The following SOCS2 variants were observed in gnomAD, a reference collection of about 807,000 sequenced individuals.
SOCS2 encodes the protein suppressor of cytokine signaling 2.
A neutral mutation model predicts 18.6 loss-of-function variants in SOCS2; 10 were observed. That is an observed-to-expected ratio of 0.54 (90% confidence interval 0.33 to 0.91). The LOEUF (loss-of-function observed/expected upper bound fraction) is 0.91. Among genes scored for constraint, SOCS2 ranks in the 40% least tolerant of loss-of-function variants. The probability of loss-of-function intolerance (pLI) is 0.02; values close to 1 mark genes in which losing one functional copy is unlikely to be tolerated. For synonymous variants in SOCS2, 104 were observed against 104.0 expected (o/e 1.00, Z 0.00); for missense variants, 231 against 247.2 (o/e 0.93, Z 0.44).
At chr12:93,581,316 A>G (rs1447846273), downstream of SOCS2, among the ~76,000 whole-genome samples, 1 of 152,228 alleles carries the variant, frequency 6.6e-6, no homozygotes, top group African/African-American at 2.4e-5. Context: ...CCTCCTCAAT[A>G]ATTGAGACCT....
chr12:93,617,483 A>C, the SOCS2 span, among the ~76,000 whole-genome samples: 1 of 152,132 alleles, frequency 6.6e-6, no homozygotes, highest in Non-Finnish European at 1.5e-5. Context: ...ATTTCCTCTA[A>C]GTATATTATG....
At chr12:93,624,702 G>A in the SOCS2 span, among the ~76,000 whole-genome samples, 1 of 152,320 alleles carries the variant, frequency 6.6e-6, no homozygotes, top group South Asian at 2.1e-4. Context: ...GCAGAACAGA[G>A]TGTGATACAT....
chr12:93,603,761 G>T, the SOCS2 span, among the ~76,000 whole-genome samples: 1 of 152,168 alleles, frequency 6.6e-6, no homozygotes, highest in Non-Finnish European at 1.5e-5. Context: ...GCAGTTGTGT[G>T]GAATGTAGTC....
chr12:93,598,130 G>A, the SOCS2 span, among the ~76,000 whole-genome samples: 1 of 152,168 alleles, frequency 6.6e-6, no homozygotes, highest in Non-Finnish European at 1.5e-5. Context: ...GGGAAGTGAG[G>A]GGATTGGCAG....
the SOCS2 span, among the ~76,000 whole-genome samples, chr12:93,589,458 A>T: frequency 6.6e-6 from 1 of 152,220 alleles, no homozygotes; most frequent in Non-Finnish European, 1.5e-5. Context: ...TGTTTTTATT[A>T]AAGTGAGTTT....
Position 93,572,764 on chromosome 12 carries a change from C to A in SOCS2, c.-134C>A. The A allele has an allele frequency of 8.7e-7, 1 of 1,150,642 alleles. No individual in the cohort carries two copies. Among genetic ancestry groups the A allele is most frequent in the Non-Finnish European group, 1.3e-6 (1 of 791,578 alleles). 71.3% of individuals were successfully genotyped at this position (1,150,642 alleles called of 1,614,324 possible). ...CTGGGGAGAAAGAGCCCCATCCCTT[C>A]TCTCTCTGCCACCATTTCGGACACC... On this transcript the variant is annotated 5_prime_UTR_variant, in exon 1 of 2. Transcript: ENST00000551556. This position sits in a 1 kb window ranked among gnomAD's most constrained non-coding sequence, Gnocchi z 5.0.
chr12:93,582,799 A>G (rs1954558132), intron 1 of SOCS2, among the ~76,000 whole-genome samples: 1 of 152,128 alleles, frequency 6.6e-6, no homozygotes, highest in Non-Finnish European at 1.5e-5. Flanking sequence ...TGGAGCCTTC[A>G]GGATTTTTGG....
At chr12:93,590,033 C>G in the SOCS2 span, among the ~76,000 whole-genome samples, 208 of 152,122 alleles carry the variant, frequency 1.4e-3, no homozygotes, top group Middle Eastern at 3.4e-3. Flanking sequence ...GTGAGCGGAT[C>G]ATGAGGTCAG....
At chr12:93,578,736 GAC>G (rs565272984), downstream of SOCS2, among the ~76,000 whole-genome samples, 153 of 151,534 alleles carry the variant, frequency 1.0e-3, no homozygotes, top group African/African-American at 3.5e-3. Flanking sequence ...GCCAATCAAT[GAC>G]AGAGTCAGGA....
chr12:93,601,572 G>A, the SOCS2 span, among the ~76,000 whole-genome samples: 1 of 152,100 alleles, frequency 6.6e-6, no homozygotes, highest in African/African-American at 2.4e-5. Context: ...GCCTCCCAAA[G>A]TGCTGGGATT....
downstream of SOCS2, among the ~76,000 whole-genome samples, chr12:93,581,740 T>C (rs1193379473): frequency 6.6e-6 from 1 of 152,154 alleles, no homozygotes; most frequent in African/African-American, 2.4e-5. Context: ...GTTTATTGAA[T>C]GTCTACTGTA....
At chr12:93,622,169 C>G in the SOCS2 span, among the ~76,000 whole-genome samples, 2 of 152,108 alleles carry the variant, frequency 1.3e-5, no homozygotes, top group Non-Finnish European at 2.9e-5. Flanking sequence ...TTGTAAAATC[C>G]TTATCTGACA....
At chr12:93,600,019 C>A in the SOCS2 span, among the ~76,000 whole-genome samples, 3 of 152,188 alleles carry the variant, frequency 2.0e-5, no homozygotes, top group Middle Eastern at 3.2e-3. Flanking sequence ...TAATGCTTTA[C>A]ATTTACAATA....
chr12:93,598,198 G>A, the SOCS2 span, among the ~76,000 whole-genome samples: 1 of 152,198 alleles, frequency 6.6e-6, no homozygotes, highest in Non-Finnish European at 1.5e-5. Context: ...CCTGATTGAT[G>A]AGAAGGAAGA....
the SOCS2 span, among the ~76,000 whole-genome samples, chr12:93,614,633 T>TC: frequency 7.4e-6 from 1 of 136,008 alleles, no homozygotes; most frequent in South Asian, 2.3e-4. Flanking sequence ...CTTTCTTTCT[T>TC]TTGATGGAGT....
the SOCS2 span, among the ~76,000 whole-genome samples, chr12:93,610,860 C>T: frequency 6.6e-6 from 1 of 152,138 alleles, no homozygotes; most frequent in Non-Finnish European, 1.5e-5. Context: ...CAATGAATTT[C>T]TGTTGTTTCT....
Position 93,575,251 on chromosome 12 carries a change from C to T in SOCS2, c.*72C>T. 9.6e-7 allele frequency: 1 copy of T among 1,043,508 alleles called. No homozygotes were observed. The highest frequency in any genetic ancestry group is 1.4e-6 in the Non-Finnish European group (1 of 733,108). 64.6% of individuals were successfully genotyped at this position (1,043,508 alleles called of 1,614,324 possible). On this transcript the variant is annotated 3_prime_UTR_variant, in exon 2 of 2. Transcript: ENST00000551556. ...GCAGCTATGTAAAAGAGAACCAAAA[C>T]TTGAGTGCTCTGGATAACTATATGG...
At chr12:93,583,000 G>GTTTTT (rs11305267) in intron 1 of SOCS2, 1 of 111,282 alleles carries the variant, frequency 9.0e-6, no homozygotes, top group Non-Finnish European at 1.9e-5. Flanking sequence ...TCTGGGTTTT[G>GTTTTT]TTTTTTTTTT....
downstream of SOCS2, among the ~76,000 whole-genome samples, chr12:93,577,732 T>TC (rs1565843548): frequency 6.6e-6 from 1 of 152,170 alleles, no homozygotes; most frequent in Non-Finnish European, 1.5e-5. Context: ...GTGGTTTTTT[T>TC]CCCCTGAACA....
Sources: allele counts gnomAD v4.1 joint callset (sites outside exome capture counted in the v4.1 genomes callset), GRCh38; gene constraint gnomAD v4.1.1; non-coding constraint Gnocchi (gnomAD v3.1); transcripts MANE v1.5; gene names NCBI Gene and HGNC (gene_info 2026-07-23, HGNC 2026-07-21).